CSMD1: variants seen among roughly 807,000 people sequenced by gnomAD.
CSMD1 encodes CUB and Sushi multiple domains 1.
Under a neutral mutation model 417.5 loss-of-function variants are expected in CSMD1, and 213 were observed. That is an observed-to-expected ratio of 0.51 (90% CI 0.46 to 0.57). The LOEUF is 0.57. Among genes scored for constraint, CSMD1 ranks in the 20% least tolerant of loss-of-function variants. The probability of loss-of-function intolerance (pLI) is 0.00; values close to 1 mark genes in which losing one functional copy is unlikely to be tolerated. For missense variants in CSMD1, 6,923 were observed against 4,529.7 expected, an observed-to-expected ratio of 1.53 and a Z score of -15.17; for synonymous variants, 2,862 against 1,736.8, an observed-to-expected ratio of 1.65 and a Z score of -16.11.
At chr8:4,277,320 C>T (rs1247699638) in intron 3 of CSMD1, among the ~76,000 whole-genome samples, 1 of 152,098 alleles carries the variant, frequency 6.6e-6, no homozygotes, top group African/African-American at 2.4e-5. Flanking sequence ...GGGAACGGGA[C>T]TGACTTCCCT....
At chr8:3,953,751 C>T (rs1328789049) in intron 5 of CSMD1, among the ~76,000 whole-genome samples, 1 of 152,114 alleles carries the variant, frequency 6.6e-6, no homozygotes, top group East Asian at 1.9e-4. Context: ...CCCTGAGCTG[C>T]TCCACGTGAC....
At chr8:3,815,791 G>T (rs764670384) in intron 5 of CSMD1, among the ~76,000 whole-genome samples, 2 of 152,096 alleles carry the variant, frequency 1.3e-5, no homozygotes, top group African/African-American at 4.8e-5. Flanking sequence ...ATAGTAGTGA[G>T]CTAGTGAACG....
intron 49 of CSMD1, among the ~76,000 whole-genome samples, chr8:3,074,227 T>G (rs1342812357): frequency 1.3e-5 from 2 of 152,214 alleles, no homozygotes; most frequent in Non-Finnish European, 2.9e-5. Flanking sequence ...ACAAAGGCTC[T>G]CCCTCACATC....
At chr8:4,543,880 C>T (rs1050889257) in intron 2 of CSMD1, among the ~76,000 whole-genome samples, 10 of 152,076 alleles carry the variant, frequency 6.6e-5, no homozygotes, top group African/African-American at 2.4e-4. Flanking sequence ...TCCTTAGGGA[C>T]ATAAGATGTG....
At chr8:4,257,519 T>C (rs1803546555) in intron 3 of CSMD1, among the ~76,000 whole-genome samples, 1 of 152,204 alleles carries the variant, frequency 6.6e-6, no homozygotes, top group African/African-American at 2.4e-5. Context: ...CCTTTTTCAA[T>C]ACAGTTTTGA....
intron 3 of CSMD1, among the ~76,000 whole-genome samples, chr8:4,032,969 G>A (rs966402404): frequency 3.3e-5 from 5 of 151,908 alleles, no homozygotes; most frequent in South Asian, 2.1e-4. Flanking sequence ...ATTCCGATAC[G>A]AAACACTGAC....
intron 7 of CSMD1, among the ~76,000 whole-genome samples, chr8:3,673,199 C>A (rs28633187): frequency 0.015 from 2,308 of 152,352 alleles, 27 homozygotes; most frequent in Non-Finnish European, 0.023. Flanking sequence ...TATTCAACCA[C>A]ATATGCCCCT....
At chr8:3,423,395 C>T (rs988887442) in intron 12 of CSMD1, among the ~76,000 whole-genome samples, 1 of 152,218 alleles carries the variant, frequency 6.6e-6, no homozygotes, top group Non-Finnish European at 1.5e-5. Context: ...AGCTTTCTCT[C>T]TTCCAGAATT....
chr8:3,279,998 G>C (rs1320335367), intron 26 of CSMD1, among the ~76,000 whole-genome samples: 1 of 152,162 alleles, frequency 6.6e-6, no homozygotes, highest in Non-Finnish European at 1.5e-5. Flanking sequence ...TTAGTACAGA[G>C]ATCCGGAAAG....
At chr8:3,530,043 C>T (rs1287548412) in intron 10 of CSMD1, among the ~76,000 whole-genome samples, 1 of 152,152 alleles carries the variant, frequency 6.6e-6, no homozygotes, top group Non-Finnish European at 1.5e-5. Flanking sequence ...CGTGAGTATA[C>T]ATGCTAAATG....
At chr8:4,170,807 G>A (rs192645897) in intron 3 of CSMD1, among the ~76,000 whole-genome samples, 1 of 151,804 alleles carries the variant, frequency 6.6e-6, no homozygotes, top group Non-Finnish European at 1.5e-5. Flanking sequence ...GATTACCTAT[G>A]TATTCATCAT....
At chr8:4,376,827 G>A (rs940252972) in intron 3 of CSMD1, among the ~76,000 whole-genome samples, 2 of 152,182 alleles carry the variant, frequency 1.3e-5, no homozygotes, top group African/African-American at 4.8e-5. Context: ...CCTCACCCCT[G>A]TGATTTTGTC....
At chr8:3,785,732 GC>G (rs1477247974) in intron 5 of CSMD1, among the ~76,000 whole-genome samples, 4 of 152,132 alleles carry the variant, frequency 2.6e-5, no homozygotes, top group African/African-American at 9.7e-5. Context: ...GGCCCAGGGT[GC>G]GGGGAGCCAG....
intron 54 of CSMD1, among the ~76,000 whole-genome samples, chr8:2,986,978 C>G (rs1395094202): frequency 2.0e-5 from 3 of 152,106 alleles, no homozygotes; most frequent in Admixed American, 1.3e-4. Flanking sequence ...ATTCTCTACA[C>G]CATCATATTT....
At chr8:3,980,157 T>C (rs1813741703) in intron 5 of CSMD1, among the ~76,000 whole-genome samples, 2 of 152,256 alleles carry the variant, frequency 1.3e-5, no homozygotes, top group African/African-American at 4.8e-5. Context: ...TTATAGAGCA[T>C]TTTATAATAT....
intron 2 of CSMD1, among the ~76,000 whole-genome samples, chr8:4,427,402 T>G: frequency 6.6e-6 from 1 of 151,962 alleles, no homozygotes; most frequent in East Asian, 1.9e-4. Flanking sequence ...CCTAGGTACC[T>G]TGGGGTCATA....
intron 2 of CSMD1, among the ~76,000 whole-genome samples, chr8:4,615,060 T>C (rs1801397123): frequency 1.3e-5 from 2 of 152,130 alleles, no homozygotes; most frequent in Non-Finnish European, 1.5e-5. Flanking sequence ...AGGCTTCCTA[T>C]TTGTCTCAGA....
chr8:4,647,702 G>C (rs1803623961), intron 1 of CSMD1, among the ~76,000 whole-genome samples: 1 of 152,152 alleles, frequency 6.6e-6, no homozygotes, highest in African/African-American at 2.4e-5. Flanking sequence ...TGCTGAGGAT[G>C]AAGCTTCCAG....
intron 11 of CSMD1, among the ~76,000 whole-genome samples, chr8:3,479,480 G>A (rs1156350205): frequency 2.0e-5 from 3 of 152,014 alleles, no homozygotes; most frequent in African/African-American, 7.2e-5. Context: ...GGGTTTCTCC[G>A]TATTGGTCAT....
Sources: allele counts gnomAD v4.1 joint callset (sites outside exome capture counted in the v4.1 genomes callset), GRCh38; gene constraint gnomAD v4.1.1; transcripts MANE v1.5; gene names NCBI Gene and HGNC (gene_info 2026-07-23, HGNC 2026-07-21).